The following SPMAP2L variants were observed in gnomAD, a reference collection of about 807,000 sequenced individuals.
SPMAP2L encodes the protein sperm microtubule associated protein 2-like.
At chr4:56,591,596 C>A in the SPMAP2L span, among the ~76,000 whole-genome samples, 1,149 of 152,286 alleles carry the variant, frequency 7.5e-3, 16 homozygotes, top group African/African-American at 0.026. Flanking sequence ...TCATCATCAT[C>A]ATAATAATCA....
chr4:56,537,915 G>C, the SPMAP2L span, among the ~76,000 whole-genome samples: 7 of 152,006 alleles, frequency 4.6e-5, no homozygotes, highest in East Asian at 3.9e-4. Flanking sequence ...GGATGGTCTT[G>C]ATCTCCTGAC....
the SPMAP2L span, among the ~76,000 whole-genome samples, chr4:56,568,743 C>G: frequency 6.6e-6 from 1 of 152,188 alleles, no homozygotes; most frequent in Non-Finnish European, 1.5e-5. Flanking sequence ...TAACTATCAT[C>G]AAAATCTAAT....
the SPMAP2L span, among the ~76,000 whole-genome samples, chr4:56,617,414 TG>T: frequency 6.6e-6 from 1 of 152,162 alleles, no homozygotes; most frequent in Admixed American, 6.5e-5. Context: ...CCTATTGTTG[TG>T]GGGTGGCAAG....
chr4:56,544,645 G>T, the SPMAP2L span, among the ~76,000 whole-genome samples: 1 of 151,730 alleles, frequency 6.6e-6, no homozygotes, highest in Admixed American at 6.6e-5. Flanking sequence ...AACTTGTGTC[G>T]CAGTTCGAGT....
At chr4:56,620,390 T>TTC in the SPMAP2L span, among the ~76,000 whole-genome samples, 1 of 151,858 alleles carries the variant, frequency 6.6e-6, no homozygotes, top group Admixed American at 6.6e-5. Context: ...CTTCTAGTTT[T>TTC]TTTTTTTTTT....
At chr4:56,600,732 T>C in the SPMAP2L span, among the ~76,000 whole-genome samples, 1 of 152,288 alleles carries the variant, frequency 6.6e-6, no homozygotes, top group East Asian at 1.9e-4. Flanking sequence ...AACACACTCA[T>C]TATATGTTCA....
At chr4:56,584,406 A>G in the SPMAP2L span, 1 of 757,144 alleles carries the variant, frequency 1.3e-6, no homozygotes, top group East Asian at 2.7e-5. Context: ...AGTGTATATA[A>G]TCGATTAGAA....
chr4:56,614,376 C>T, the SPMAP2L span, among the ~76,000 whole-genome samples: 1 of 152,042 alleles, frequency 6.6e-6, no homozygotes, highest in Non-Finnish European at 1.5e-5. Flanking sequence ...TGATCTTGGC[C>T]GGGTGTGGTG....
chr4:56,608,863 G>A, the SPMAP2L span, among the ~76,000 whole-genome samples: 2 of 152,132 alleles, frequency 1.3e-5, no homozygotes, highest in East Asian at 1.9e-4. Context: ...GTGAACCTTA[G>A]TGTGTTCAGA....
chr4:56,604,437 A>G, the SPMAP2L span, among the ~76,000 whole-genome samples: 1 of 152,120 alleles, frequency 6.6e-6, no homozygotes, highest in African/African-American at 2.4e-5. Context: ...AGGCAGATGG[A>G]TCACGAGGTC....
chr4:56,580,544 A>G, the SPMAP2L span, among the ~76,000 whole-genome samples: 1 of 152,112 alleles, frequency 6.6e-6, no homozygotes, highest in Non-Finnish European at 1.5e-5. Context: ...TGAACGCTTT[A>G]CCCCTGACAT....
At chr4:56,569,786 G>C in the SPMAP2L span, among the ~76,000 whole-genome samples, 1 of 152,008 alleles carries the variant, frequency 6.6e-6, no homozygotes, top group African/African-American at 2.4e-5. Flanking sequence ...GATAGAGTGA[G>C]ACCCTGTCTC....
At chr4:56,585,812 A>G in the SPMAP2L span, among the ~76,000 whole-genome samples, 2 of 152,148 alleles carry the variant, frequency 1.3e-5, no homozygotes, top group African/African-American at 2.4e-5. Flanking sequence ...ACTGCACGCC[A>G]TGGACTACAG....
chr4:56,534,489 C>T, the SPMAP2L span, among the ~76,000 whole-genome samples: 14 of 152,154 alleles, frequency 9.2e-5, no homozygotes, highest in Non-Finnish European at 2.1e-4. Flanking sequence ...TCCTTATTCC[C>T]TGGGTGAGGT....
At chr4:56,619,485 C>T in the SPMAP2L span, among the ~76,000 whole-genome samples, 1 of 152,192 alleles carries the variant, frequency 6.6e-6, no homozygotes, top group African/African-American at 2.4e-5. Context: ...TGGAATCATA[C>T]AGTACTTGTC....
chr4:56,573,979 C>G, the SPMAP2L span, among the ~76,000 whole-genome samples: 3 of 152,118 alleles, frequency 2.0e-5, no homozygotes, highest in African/African-American at 4.8e-5. Context: ...CTGTGAACGT[C>G]CTAAAGGAAC....
At chr4:56,595,310 T>C in the SPMAP2L span, 1 of 1,612,074 alleles carries the variant, frequency 6.2e-7, no homozygotes, top group Non-Finnish European at 8.5e-7. Context: ...GCCAAGAGAC[T>C]CCAGGATTAT....
chr4:56,623,358 G>A, the SPMAP2L span, among the ~76,000 whole-genome samples: 1 of 152,238 alleles, frequency 6.6e-6, no homozygotes, highest in East Asian at 1.9e-4. Flanking sequence ...CCCTAAGGGT[G>A]TAAGCTTTTG....
At chr4:56,584,401 A>G in the SPMAP2L span, 1,488 of 722,792 alleles carry the variant, frequency 2.1e-3, 4 homozygotes, top group Non-Finnish European at 3.1e-3. Flanking sequence ...GAAGCAGTGT[A>G]TATAATCGAT....
Sources: allele counts gnomAD v4.1 joint callset (sites outside exome capture counted in the v4.1 genomes callset), GRCh38; gene constraint gnomAD v4.1.1; transcripts MANE v1.5; gene names NCBI Gene and HGNC (gene_info 2026-07-23, HGNC 2026-07-21).